SEMA6D: variants seen among roughly 807,000 people sequenced by gnomAD.
SEMA6D encodes the protein semaphorin 6D, also known as semaphorin-6D.
A neutral mutation model predicts 106.6 loss-of-function variants in SEMA6D; 35 were observed. The ratio of observed to expected loss-of-function variants is 0.33; its 90% CI spans 0.25 to 0.44. The LOEUF (loss-of-function observed/expected upper bound fraction) is 0.44, where lower values mean the gene tolerates loss of function less well. Ranked by LOEUF, SEMA6D falls within the 20% of genes least tolerant of loss-of-function variation. SEMA6D has a pLI of 1.00. For synonymous variants in SEMA6D, 499 were observed against 487.7 expected, an observed-to-expected ratio of 1.02 and a Z score of -0.31; for missense variants, 1,185 against 1,345.9, an observed-to-expected ratio of 0.88 and a Z score of 1.87.
intron 1 of SEMA6D, among the ~76,000 whole-genome samples, chr15:47,735,725 A>G (rs1274446438): frequency 6.6e-6 from 1 of 152,178 alleles, no homozygotes; most frequent in Non-Finnish European, 1.5e-5. Flanking sequence ...TGCATCATTA[A>G]GTTGGTCTCT....
rs773716027 is a variant in SEMA6D at position 47,765,947 on chromosome 15, G to C, written c.1506G>C (p.Ala502=). ...LDKDHHALYV[A]FSSCIIRIPL... ...AAGATCACCACGCTTTATATGTGGCGTTCTCTAGCTGCATTATCCGCATCC... is the reference window on the plus strand; with the variant it reads ...AAGATCACCACGCTTTATATGTGGCCTTCTCTAGCTGCATTATCCGCATCC... The change falls in exon 14 of 19, where the codon GCG becomes GCC. Residue 502 remains alanine (A), a synonymous_variant. Coordinates refer to ENST00000536845, the MANE Select transcript of SEMA6D (RefSeq NM_001358351.3). 6.3e-7 allele frequency: 1 copy of C among 1,586,522 alleles called. No individual in the cohort carries two copies. Among genetic ancestry groups the C allele is most frequent in the African/African-American group, 1.4e-5 (1 of 73,918 alleles).
chr15:47,504,860 A>T (rs1444193940), intron 3 of SEMA6D, among the ~76,000 whole-genome samples: 2 of 152,112 alleles, frequency 1.3e-5, no homozygotes, highest in African/African-American at 4.8e-5. Context: ...TGTCTGCGGG[A>T]ATCATCTCCA....
chr15:47,525,825 G>T (rs928371256), intron 3 of SEMA6D, among the ~76,000 whole-genome samples: 1 of 152,094 alleles, frequency 6.6e-6, no homozygotes, highest in Admixed American at 6.6e-5. Flanking sequence ...AATCAGATAG[G>T]CAGTTTTTTA....
intron 3 of SEMA6D, among the ~76,000 whole-genome samples, chr15:47,511,666 C>T (rs1382118375): frequency 2.6e-5 from 4 of 152,056 alleles, no homozygotes; most frequent in African/African-American, 7.2e-5. Flanking sequence ...AAAATGAATA[C>T]CTAATAGGTT....
intron 3 of SEMA6D, among the ~76,000 whole-genome samples, chr15:47,471,302 G>T (rs910517156): frequency 2.6e-5 from 4 of 152,142 alleles, no homozygotes; most frequent in Non-Finnish European, 5.9e-5. Context: ...GATGTTTTCA[G>T]TTTGTTCATC....
At chr15:47,664,345 A>T (rs939976733) in intron 4 of SEMA6D, among the ~76,000 whole-genome samples, 14 of 152,188 alleles carry the variant, frequency 9.2e-5, no homozygotes, top group African/African-American at 3.1e-4. Flanking sequence ...CTGTTTATAG[A>T]ATATTTAATG....
chr15:47,544,338 C>T (rs1009367649), intron 3 of SEMA6D, among the ~76,000 whole-genome samples: 6 of 152,058 alleles, frequency 3.9e-5, no homozygotes, highest in African/African-American at 1.4e-4. Context: ...CACTAATACT[C>T]TTGTTAGAAT....
intron 1 of SEMA6D, among the ~76,000 whole-genome samples, chr15:47,298,948 AG>A (rs1566981247): frequency 6.6e-6 from 1 of 152,204 alleles, no homozygotes; most frequent in Non-Finnish European, 1.5e-5. Flanking sequence ...GCATCCCTAA[AG>A]GTATTCTCCA....
intron 4 of SEMA6D, among the ~76,000 whole-genome samples, chr15:47,632,028 C>T (rs1253009257): frequency 1.3e-5 from 2 of 151,798 alleles, no homozygotes; most frequent in Non-Finnish European, 2.9e-5. Flanking sequence ...TCCTTTGAGA[C>T]TTTCACTTTG....
chr15:47,273,489 C>T (rs1415259056), intron 1 of SEMA6D, among the ~76,000 whole-genome samples: 3 of 152,180 alleles, frequency 2.0e-5, no homozygotes, highest in Non-Finnish European at 4.4e-5. Context: ...CAAAAATCCT[C>T]ACTTAAATGA....
chr15:47,768,625 C>G lies in SEMA6D; in HGVS notation c.1810C>G (p.Pro604Ala). ...SSSVTTMASI[P>A]EITPKVIDTW... is the part of the protein sequence containing the mutation. The stretch of plus-strand genomic sequence containing the variant: ...TTCTGTTACCACAATGGCAAGTATC[C>G]CAGAAATCACACCTAAAGTGATTGA... The change falls in exon 18 of 19, where the codon CCA becomes GCA. Residue 604 changes from proline to alanine, a missense_variant. Physicochemically the swap from Pro to Ala is conservative, Grantham distance 27. This residue lies in a region of SEMA6D where 750 missense variants were observed against 783.5 expected (regional missense o/e 0.96). Transcript: ENST00000536845. 1 of 1,613,076 alleles carries G rather than the reference C, an allele frequency of 6.2e-7. No individual in the cohort carries two copies. Among genetic ancestry groups the G allele is most frequent in the Admixed American group, 1.7e-5 (1 of 59,970 alleles).
At chr15:47,332,979 G>A (rs17359852) in intron 1 of SEMA6D, among the ~76,000 whole-genome samples, 1,685 of 152,188 alleles carry the variant, frequency 0.011, 13 homozygotes, top group Non-Finnish European at 0.014. Flanking sequence ...AACAGAGAAA[G>A]TCACAGCTCA....
intron 1 of SEMA6D, among the ~76,000 whole-genome samples, chr15:47,278,227 C>T (rs554761020): frequency 6.6e-6 from 1 of 152,266 alleles, no homozygotes; most frequent in East Asian, 1.9e-4. Context: ...ACAGTCCCAC[C>T]AACAGTGTAA....
chr15:47,762,789 C>G (rs1208906866), intron 8 of SEMA6D, among the ~76,000 whole-genome samples: 1 of 152,128 alleles, frequency 6.6e-6, no homozygotes, highest in Admixed American at 6.5e-5. Flanking sequence ...TGCTGTAGTT[C>G]AGTTCCCTGT....
chr15:47,682,138 C>A (rs1266001985), intron 4 of SEMA6D, among the ~76,000 whole-genome samples: 4 of 151,446 alleles, frequency 2.6e-5, no homozygotes, highest in Admixed American at 6.6e-5. Context: ...TGTGAGGAGA[C>A]AATGGTGCAC....
chr15:47,479,986 C>T (rs1159789634), intron 3 of SEMA6D, among the ~76,000 whole-genome samples: 1 of 151,128 alleles, frequency 6.6e-6, no homozygotes, highest in Non-Finnish European at 1.5e-5. Flanking sequence ...CCACCTCAGC[C>T]TTCTGAGTAG....
intron 3 of SEMA6D, among the ~76,000 whole-genome samples, chr15:47,540,447 C>T (rs2045320380): frequency 6.6e-6 from 1 of 151,882 alleles, no homozygotes; most frequent in Non-Finnish European, 1.5e-5. Flanking sequence ...AAAAAAAAAG[C>T]ATGCATTTAC....
rs564802973 is a variant in SEMA6D, at chr15:47,656,322, A to G, written c.-55+55426A>G. Among the ~76,000 whole-genome samples the G allele has an allele frequency of 7.9e-5, 12 of 152,318 alleles. 1 individual carries two copies. Among genetic ancestry groups the G allele is most frequent in the South Asian group, 4.2e-4 (2 of 4,818 alleles). ...TAACCCTGTAGCTCCCCTAAGAACA[A>G]TGGTTCAGTATTTGCTAATGCTGTG... On this transcript the variant is annotated intron_variant, in intron 4 of 19. Coordinates refer to the SEMA6D transcript ENST00000558014.
chr15:47,380,082 G>A (rs1431054837), intron 1 of SEMA6D, among the ~76,000 whole-genome samples: 1 of 152,148 alleles, frequency 6.6e-6, no homozygotes, highest in African/African-American at 2.4e-5. Context: ...GCCTGGGTAA[G>A]TTTCACATTT....
Sources: allele counts gnomAD v4.1 joint callset (sites outside exome capture counted in the v4.1 genomes callset), GRCh38; gene constraint gnomAD v4.1.1; regional missense constraint gnomAD v4.1.1; transcripts MANE v1.5; gene names NCBI Gene and HGNC (gene_info 2026-07-23, HGNC 2026-07-21).